The following BMPR1B variants were observed in gnomAD, a reference collection of about 807,000 sequenced individuals.
BMPR1B encodes the protein bone morphogenetic protein receptor type 1B.
Under a neutral mutation model 59.1 loss-of-function variants are expected in BMPR1B, and 12 were observed. That is an observed-to-expected ratio of 0.20 (90% confidence interval 0.13 to 0.33). The LOEUF (loss-of-function observed/expected upper bound fraction) is 0.33. Ranked by LOEUF, BMPR1B falls within the 10% of genes least tolerant of loss-of-function variation. The pLI is 1.00. For synonymous variants in BMPR1B, 237 were observed against 207.3 expected, an observed-to-expected ratio of 1.14 and a Z score of -1.23; for missense variants, 550 against 610.9, an observed-to-expected ratio of 0.90 and a Z score of 1.05.
At chr4:94,913,464 G>A (rs952579481) in intron 2 of BMPR1B, among the ~76,000 whole-genome samples, 2 of 152,158 alleles carry the variant, frequency 1.3e-5, no homozygotes, top group South Asian at 2.1e-4. Context: ...TAGTGTGACA[G>A]TTTGAACCAC....
chr4:94,779,456 C>A (rs1351797715), intron 1 of BMPR1B, among the ~76,000 whole-genome samples: 3 of 151,730 alleles, frequency 2.0e-5, no homozygotes, highest in Non-Finnish European at 2.9e-5. Flanking sequence ...TCATATTTTT[C>A]TTTTTCTTGT....
intron 1 of BMPR1B, among the ~76,000 whole-genome samples, chr4:94,797,306 G>A (rs1001510795): frequency 3.9e-5 from 6 of 152,188 alleles, no homozygotes; most frequent in Non-Finnish European, 1.5e-5. Flanking sequence ...TGAGATTTGG[G>A]TGGGGACAGA....
intron 2 of BMPR1B, among the ~76,000 whole-genome samples, chr4:94,908,637 T>C (rs1728158568): frequency 6.6e-6 from 1 of 151,906 alleles, no homozygotes; most frequent in Admixed American, 6.6e-5. Context: ...AATCCTTTTA[T>C]TATAGAGAGT....
intron 6 of BMPR1B, among the ~76,000 whole-genome samples, chr4:95,117,562 C>T (rs1049201589): frequency 1.3e-5 from 2 of 151,832 alleles, no homozygotes; most frequent in African/African-American, 2.4e-5. Context: ...GTGGGAAGAT[C>T]GCCTGGGCCC....
intron 3 of BMPR1B, among the ~76,000 whole-genome samples, chr4:95,075,860 C>T (rs1053122116): frequency 1.3e-5 from 2 of 152,114 alleles, no homozygotes; most frequent in Admixed American, 6.6e-5. Flanking sequence ...CTTTCTTTCC[C>T]CTTCCATCCA....
intron 1 of BMPR1B, among the ~76,000 whole-genome samples, chr4:94,762,493 G>A (rs531610202): frequency 7.9e-5 from 12 of 152,290 alleles, no homozygotes; most frequent in Middle Eastern, 3.4e-3. Flanking sequence ...GGACGCACTA[G>A]GGTTGTCTCT....
chr4:95,132,709 C>T (rs1406262688), intron 10 of BMPR1B, among the ~76,000 whole-genome samples: 3 of 151,682 alleles, frequency 2.0e-5, no homozygotes, highest in Admixed American at 2.0e-4. Context: ...CCTCTCTCTC[C>T]TTCTCTCACC....
chr4:94,878,552 G>A (rs1318241864), intron 2 of BMPR1B, among the ~76,000 whole-genome samples: 4 of 152,072 alleles, frequency 2.6e-5, no homozygotes, highest in African/African-American at 9.7e-5. Flanking sequence ...GCTGCTGTGC[G>A]TCTCCTAATT....
chr4:95,097,130 T>C (rs1324708975), intron 3 of BMPR1B, among the ~76,000 whole-genome samples: 6 of 68,482 alleles, frequency 8.8e-5, no homozygotes, highest in Admixed American at 1.6e-4. Context: ...ATATATTAAT[T>C]TATATATAAC....
At chr4:95,061,758 G>A (rs926724932) in intron 3 of BMPR1B, among the ~76,000 whole-genome samples, 11 of 152,140 alleles carry the variant, frequency 7.2e-5, no homozygotes, top group African/African-American at 2.7e-4. Flanking sequence ...TGTTTAGGCT[G>A]TATGTTTAGA....
intron 2 of BMPR1B, among the ~76,000 whole-genome samples, chr4:94,889,777 G>A (rs1727317324): frequency 1.3e-5 from 2 of 152,034 alleles, no homozygotes; most frequent in African/African-American, 2.4e-5. Context: ...TCTGTGAAGT[G>A]ACTCTAGGTT....
chr4:95,033,772 T>C (rs1725044571), intron 3 of BMPR1B, among the ~76,000 whole-genome samples: 1 of 152,156 alleles, frequency 6.6e-6, no homozygotes, highest in Admixed American at 6.6e-5. Flanking sequence ...CAATGTTTTG[T>C]TTATTTTTTA....
intron 3 of BMPR1B, among the ~76,000 whole-genome samples, chr4:95,097,489 C>T (rs1052886181): frequency 1.3e-5 from 2 of 151,992 alleles, no homozygotes; most frequent in Admixed American, 6.6e-5. Context: ...ATTTTGTTGA[C>T]ATTTGCTTTA....
intron 1 of BMPR1B, among the ~76,000 whole-genome samples, chr4:94,761,415 C>CTGTGTGTGTG (rs57447983): frequency 6.7e-4 from 94 of 141,282 alleles, no homozygotes; most frequent in South Asian, 1.7e-3. Flanking sequence ...CTGTATAATT[C>CTGTGTGTGTG]TGTGTGTGTG....
At chr4:94,847,467 C>G (rs886464452) in intron 1 of BMPR1B, among the ~76,000 whole-genome samples, 1 of 152,060 alleles carries the variant, frequency 6.6e-6, no homozygotes, top group Non-Finnish European at 1.5e-5. Context: ...TCAGTGTTAT[C>G]GAATAGATAT....
At chr4:94,941,204 C>T (rs1426603477) in intron 2 of BMPR1B, among the ~76,000 whole-genome samples, 3 of 151,956 alleles carry the variant, frequency 2.0e-5, no homozygotes, top group African/African-American at 7.2e-5. Context: ...CCAAGGCAGG[C>T]AGATCACTTG....
chr4:95,041,776 C>T (rs957582749), intron 3 of BMPR1B, among the ~76,000 whole-genome samples: 8 of 152,130 alleles, frequency 5.3e-5, no homozygotes, highest in Non-Finnish European at 7.4e-5. Flanking sequence ...TATTTCCTCC[C>T]GCACAGGGTG....
intron 1 of BMPR1B, among the ~76,000 whole-genome samples, chr4:94,790,861 C>T (rs1353953367): frequency 1.3e-5 from 2 of 152,114 alleles, no homozygotes; most frequent in East Asian, 3.9e-4. Flanking sequence ...TGCATGACAT[C>T]TGTTTTATAG....
chr4:94,977,036 G>A (rs996280927), intron 2 of BMPR1B, among the ~76,000 whole-genome samples: 1 of 152,104 alleles, frequency 6.6e-6, no homozygotes, highest in Non-Finnish European at 1.5e-5. Flanking sequence ...TATTGTCTTT[G>A]TTTCCTTTCA....
Sources: allele counts gnomAD v4.1 joint callset (sites outside exome capture counted in the v4.1 genomes callset), GRCh38; gene constraint gnomAD v4.1.1; transcripts MANE v1.5; gene names NCBI Gene and HGNC (gene_info 2026-07-23, HGNC 2026-07-21).